The following MXRA7 variants were observed in gnomAD, a reference collection of about 807,000 sequenced individuals.
MXRA7 encodes the protein matrix remodeling associated 7.
Under a neutral mutation model 17.4 loss-of-function variants are expected in MXRA7, and 18 were observed. That is an observed-to-expected ratio of 1.03 (90% confidence interval 0.71 to 1.53). MXRA7 has a LOEUF of 1.53. Ranked by LOEUF, MXRA7 falls within the 40% of genes most tolerant of loss-of-function variation. MXRA7 has a pLI of 0.00. For synonymous variants in MXRA7, 70 were observed against 101.7 expected (o/e 0.69, Z 1.87); for missense variants, 141 against 209.3 (o/e 0.67, Z 2.01).
chr17:76,708,923 G>A (rs903581877), intron 1 of MXRA7, among the ~76,000 whole-genome samples: 4 of 152,084 alleles, frequency 2.6e-5, no homozygotes, highest in Admixed American at 1.3e-4. Flanking sequence ...CCTGGCACGC[G>A]AACCCCCATA....
At chr17:76,686,638 A>G (rs2076401376) in intron 2 of MXRA7, among the ~76,000 whole-genome samples, 4 of 152,250 alleles carry the variant, frequency 2.6e-5, no homozygotes, top group Admixed American at 2.6e-4. Context: ...TGCACCAGGC[A>G]GCGCATCCAG....
In MXRA7 at chr17:76,710,260, G is replaced by C. The variant is rs140702824; in HGVS notation, c.342+345C>G. Among the ~76,000 whole-genome samples, 878 of 152,314 alleles carry C rather than the reference G, an allele frequency of 5.8e-3. 9 individuals are homozygous for C. Among genetic ancestry groups the C allele is most frequent in the African/African-American group, 0.019 (805 of 41,570 alleles). On this transcript the variant is annotated intron_variant, in intron 1 of 3. Coordinates refer to ENST00000449428, the MANE Select transcript of MXRA7 (RefSeq NM_198530.4). ...AACCGGTGGGCGGGAGGGGTCAGAAGTGGGTGAGGAGCAAAATTCCAAGCC... is the reference window on the plus strand; with the variant it reads ...AACCGGTGGGCGGGAGGGGTCAGAACTGGGTGAGGAGCAAAATTCCAAGCC...
intron 1 of MXRA7, among the ~76,000 whole-genome samples, chr17:76,695,428 T>C (rs867220156): frequency 1.3e-5 from 2 of 151,664 alleles, no homozygotes; most frequent in African/African-American, 2.4e-5. Context: ...ATACCAGAGC[T>C]CCATCGTCTA....
chr17:76,710,552 G>C (rs1429245314), intron 1 of MXRA7, 53 bp downstream of exon 1: 1 of 1,222,770 alleles, frequency 8.2e-7, no homozygotes, highest in Non-Finnish European at 1.0e-6. Context: ...GAACGGCAGC[G>C]GCAGCCGGAG....
intron 1 of MXRA7, chr17:76,688,687 T>C (rs2076440215): frequency 1.6e-6 from 2 of 1,236,536 alleles, no homozygotes; most frequent in South Asian, 4.1e-5. Context: ...GCCAGTTCTC[T>C]CCCACACAGA....
intron 1 of MXRA7, chr17:76,689,633 A>G (rs2076454912): frequency 6.6e-6 from 1 of 152,048 alleles, no homozygotes; most frequent in African/African-American, 2.4e-5. Flanking sequence ...CAGCAAACCC[A>G]CTTCTAGGGA....
intron 1 of MXRA7, among the ~76,000 whole-genome samples, chr17:76,694,180 C>T (rs2076508121): frequency 6.6e-6 from 1 of 152,164 alleles, no homozygotes; most frequent in South Asian, 2.1e-4. Flanking sequence ...CTAGAGTGGG[C>T]CCGGGTGGAG....
At chr17:76,700,131 C>T (rs1241383111) in intron 1 of MXRA7, among the ~76,000 whole-genome samples, 1 of 152,168 alleles carries the variant, frequency 6.6e-6, no homozygotes, top group Non-Finnish European at 1.5e-5. Flanking sequence ...TGCGCCACCA[C>T]ACCTGGCTTT....
chr17:76,676,356 A>G (rs1357196587), downstream of MXRA7: 1 of 152,254 alleles, frequency 6.6e-6, no homozygotes, highest in East Asian at 1.9e-4. Context: ...GCCTAATTAT[A>G]TTTAAAGTAA....
chr17:76,681,138 A>T lies in MXRA7; in HGVS notation c.501-259T>A, dbSNP rs1002181263. On this transcript the variant is annotated intron_variant, in intron 3 of 3. Coordinates refer to ENST00000449428, the MANE Select transcript of MXRA7 (RefSeq NM_198530.4). The surrounding 1 kb of genome is among the most constrained non-coding windows in gnomAD (Gnocchi z 4.7). ...ACCTGGCAGCCCACAGACCCTGTTCAGCCTCTGCAGGGTACTTAAGGAAGG... is the reference window on the plus strand; with the variant it reads ...ACCTGGCAGCCCACAGACCCTGTTCTGCCTCTGCAGGGTACTTAAGGAAGG... 6.6e-6 allele frequency among the ~76,000 whole-genome samples: 1 copy of T among 152,180 alleles called. No homozygotes were observed. Among genetic ancestry groups the T allele is most frequent in the Non-Finnish European group, 1.5e-5 (1 of 68,036 alleles).
intron 3 of MXRA7, chr17:76,684,634 G>A: frequency 2.4e-6 from 1 of 421,796 alleles, no homozygotes; most frequent in South Asian, 1.7e-5. Flanking sequence ...GCCGGCCTGG[G>A]AGGCCGCTGA....
chr17:76,685,657 T>G (rs2076385188), intron 2 of MXRA7, among the ~76,000 whole-genome samples: 1 of 152,096 alleles, frequency 6.6e-6, no homozygotes, highest in Admixed American at 6.5e-5. Context: ...CTGCAGCAGG[T>G]TTGACGTGTG....
downstream of MXRA7, chr17:76,679,494 A>G: frequency 1.6e-6 from 1 of 620,568 alleles, no homozygotes; most frequent in Non-Finnish European, 2.0e-6. Context: ...ATCAAAATGA[A>G]AGAAAGGTCA....
chr17:76,706,523 G>A (rs1247911059), intron 1 of MXRA7, among the ~76,000 whole-genome samples: 20 of 152,258 alleles, frequency 1.3e-4, no homozygotes, highest in Non-Finnish European at 1.5e-5. Flanking sequence ...AGGCAGGAGA[G>A]ATGATGGGGA....
At chr17:76,685,317 C>G (rs1288966995) in intron 2 of MXRA7, 152 bp from the exon 3 acceptor site, 2 of 633,408 alleles carry the variant, frequency 3.2e-6, no homozygotes, top group Admixed American at 2.8e-5. Flanking sequence ...TATACCCCCT[C>G]TCGTTCCATA....
intron 1 of MXRA7, among the ~76,000 whole-genome samples, chr17:76,705,328 C>A (rs1364456109): frequency 6.6e-6 from 1 of 152,222 alleles, no homozygotes; most frequent in East Asian, 1.9e-4. Context: ...ACAGGGAACT[C>A]TACTTACAGC....
rs937429791 is a variant in MXRA7, at chr17:76,681,749, C to T, written c.501-870G>A. Among the ~76,000 whole-genome samples, 1 of 152,222 alleles carries T rather than the reference C, an allele frequency of 6.6e-6. No individual in the cohort carries two copies. Among genetic ancestry groups the T allele is most frequent in the African/African-American group, 2.4e-5 (1 of 41,448 alleles). ...AGAAGTGATGGAGAGGAGCTGACAG[C>T]CGCGCCTGTTCTTTCTCCTGCCAAG... On this transcript the variant is annotated intron_variant, in intron 3 of 3. Transcript: ENST00000449428. This position sits in a 1 kb window ranked among gnomAD's most constrained non-coding sequence, Gnocchi z 4.7.
At chr17:76,682,513 G>A (rs2076319561) in intron 3 of MXRA7, among the ~76,000 whole-genome samples, 2 of 152,040 alleles carry the variant, frequency 1.3e-5, no homozygotes, top group Admixed American at 1.3e-4. Context: ...AGCTGCCAGC[G>A]CTCCCCACCC....
chr17:76,710,508 T>C (rs2076707254), intron 1 of MXRA7, 97 bp downstream of exon 1: 1 of 1,037,990 alleles, frequency 9.6e-7, no homozygotes, highest in South Asian at 4.2e-5. Context: ...CAGCCTGGGC[T>C]GGAGGCCGCG....
Sources: gnomAD v4.1 joint callset for allele counts (sites outside exome capture counted in the v4.1 genomes callset) on GRCh38, gnomAD v4.1.1 for gene constraint, Gnocchi (gnomAD v3.1) non-coding constraint, MANE v1.5 for transcripts, NCBI Gene and HGNC (gene_info 2026-07-23, HGNC 2026-07-21) for gene names.